Variants in TBC1D9B observed in about 807,000 individuals in gnomAD.
TBC1D9B encodes the protein TBC1 domain family, member 9B (with GRAM domain).
TBC1D9B carries 87 observed loss-of-function variants against 121.1 expected under a neutral mutation model. The ratio of observed to expected loss-of-function variants is 0.72; its 90% CI spans 0.60 to 0.86. The LOEUF (loss-of-function observed/expected upper bound fraction) is 0.86. Among genes scored for constraint, TBC1D9B ranks in the 40% least tolerant of loss-of-function variants. TBC1D9B has a pLI of 0.00. For missense variants in TBC1D9B, 1,540 were observed against 1,628.6 expected, an observed-to-expected ratio of 0.95 and a Z score of 0.94; for synonymous variants, 668 against 670.1, an observed-to-expected ratio of 1.00 and a Z score of 0.05.
Position 179,874,773 on chromosome 5 carries a change from G to A in TBC1D9B, c.2186+129C>T, listed in dbSNP as rs983215893. On this transcript the variant is annotated intron_variant, in intron 12 of 20. Coordinates refer to ENST00000355235, the MANE Select transcript of TBC1D9B (RefSeq NM_015043.4). This position sits in a 1 kb window ranked among gnomAD's most constrained non-coding sequence, Gnocchi z 4.3. ...AAAGGAGCCGCCTCCTGACCCCAGA[G>A]CACCCCCGGGTCCAGCTGCAGCCTG... The A allele has an allele frequency of 5.1e-6, 7 of 1,366,344 alleles. No homozygotes were observed. In the Admixed American group the frequency reaches 1.7e-4, roughly 32 times the overall value. The allele number at this position is 1,366,344 out of a possible 1,614,324, so 84.6% of individuals were successfully genotyped here.
chr5:179,894,874 A>T (rs1425605632), intron 3 of TBC1D9B, among the ~76,000 whole-genome samples: 2 of 152,180 alleles, frequency 1.3e-5, no homozygotes, highest in Admixed American at 6.5e-5. Flanking sequence ...GGCTTTTTAA[A>T]AAAATTAAGA....
intron 2 of TBC1D9B, among the ~76,000 whole-genome samples, chr5:179,900,659 G>T (rs972562462): frequency 1.3e-5 from 2 of 152,136 alleles, no homozygotes; most frequent in Non-Finnish European, 2.9e-5. Flanking sequence ...TGTTTTACAT[G>T]TTTCTGTTTA....
At chr5:179,866,481 TGGGG>T in intron 18 of TBC1D9B, 1 of 152,380 alleles carries the variant, frequency 6.6e-6, no homozygotes, top group Non-Finnish European at 1.5e-5. Flanking sequence ...GTGTGGCTGG[TGGGG>T]GCACCTCAGG....
Position 179,865,483 on chromosome 5 carries a change from C to T in TBC1D9B, c.2915-123G>A. ...TACCAGGGCCCTATCATAAAACACCCTGGCGTTTGGGAAGGTGGTCATGGG... is the reference window on the plus strand; with the variant it reads ...TACCAGGGCCCTATCATAAAACACCTTGGCGTTTGGGAAGGTGGTCATGGG... On this transcript the variant is annotated intron_variant, in intron 19 of 20. Transcript: ENST00000355235. This position sits in a 1 kb window ranked among gnomAD's most constrained non-coding sequence, Gnocchi z 5.1. 3.3e-6 allele frequency: 3 copies of T among 920,388 alleles called. No individual in the cohort carries two copies. Among genetic ancestry groups the T allele is most frequent in the Non-Finnish European group, 3.4e-6 (2 of 586,142 alleles). The allele number at this position is 920,388 out of a possible 1,614,324, so 57.0% of individuals were successfully genotyped here. A position where few individuals can be genotyped will look rare whatever the true frequency, so the allele number is the denominator to read the frequency against.
chr5:179,889,401 G>A (rs934157040), intron 6 of TBC1D9B, among the ~76,000 whole-genome samples: 1 of 148,530 alleles, frequency 6.7e-6, no homozygotes, highest in African/African-American at 2.6e-5. Context: ...GAGAGGGGGA[G>A]AGGCGCACAG....
chr5:179,872,501 A>C, intron 14 of TBC1D9B: 1 of 217,656 alleles, frequency 4.6e-6, no homozygotes. Flanking sequence ...TGGCCCCTCT[A>C]GAGATGAGAA....
At position 179,904,786 on chromosome 5, in the gene TBC1D9B, C is replaced by A. The variant is rs1309261538; in HGVS notation, c.145G>T (p.Val49Leu). The change falls in exon 2 of 21, where the codon GTG becomes TTG. Residue 49 changes from valine (V) to leucine (L), a missense_variant. Val to Leu is a conservative substitution (Grantham distance 32). Coordinates refer to ENST00000355235, the MANE Select transcript of TBC1D9B (RefSeq NM_015043.4). This position sits in a 1 kb window ranked among gnomAD's most constrained non-coding sequence, Gnocchi z 4.2. Reference sequence around the variant, plus strand: ...GCCACGCGGGCACTGGAGTCCAGCACCACGTCCAGGGTGCCCACGAGAAGA... The same window carrying A: ...GCCACGCGGGCACTGGAGTCCAGCAACACGTCCAGGGTGCCCACGAGAAGA... ...TGLLVGTLDVVLDSSARVAPY... is the reference protein window; with the variant it reads ...TGLLVGTLDVLLDSSARVAPY... The A allele has an allele frequency of 2.5e-6, 4 of 1,570,298 alleles. No individual in the cohort carries two copies. Among genetic ancestry groups the A allele is most frequent in the East Asian group, 2.3e-5 (1 of 42,844 alleles).
chr5:179,879,387 G>A (rs1760464155), intron 8 of TBC1D9B, 190 bp from the exon 9 acceptor site: 3 of 1,065,922 alleles, frequency 2.8e-6, no homozygotes, highest in Non-Finnish European at 4.0e-6. Context: ...CAGCTCCTCA[G>A]CGGGAGGGCC....
chr5:179,872,848 G>GCCCCCCCCACCCCGCCCCCC, intron 14 of TBC1D9B, 44 bp downstream of exon 14: 1 of 1,457,256 alleles, frequency 6.9e-7, no homozygotes, highest in Admixed American at 1.7e-5. Flanking sequence ...AGGCACTGCT[G>GCCCCCCCCACCCCGCCCCCC]CCCCCCCAGC....
chr5:179,891,514 G>C lies in TBC1D9B; in HGVS notation c.909C>G (p.Asp303Glu), dbSNP rs557504816. 6.2e-7 allele frequency: 1 copy of C among 1,614,084 alleles called. No individual in the cohort carries two copies. Among genetic ancestry groups the C allele is most frequent in the Non-Finnish European group, 8.5e-7 (1 of 1,180,038 alleles). ...TCCACAGGGTGCAGCTTGTGTGGCC[G>C]TCTAGCCGCTCATCCCTGGGCAGCC... ...TFRLPRDERL[D>E]GHTSCTLWTP... Residue 303 changes from aspartate (D) to glutamate (E), a missense_variant, in exon 6 of 21, where the codon GAC (aspartate) becomes GAG (glutamate). Transcript: ENST00000355235. The surrounding 1 kb of genome is among the most constrained non-coding windows in gnomAD (Gnocchi z 4.3).
At chr5:179,903,271 T>G (rs1290416566) in intron 2 of TBC1D9B, among the ~76,000 whole-genome samples, 1 of 152,174 alleles carries the variant, frequency 6.6e-6, no homozygotes, top group Non-Finnish European at 1.5e-5. Context: ...TACTTATGCC[T>G]TCTGGAGGTA....
Position 179,879,552 on chromosome 5 carries a change from C to T in TBC1D9B, c.1416+76G>A, listed in dbSNP as rs568461795. On this transcript the variant is annotated intron_variant, in intron 8 of 20. Transcript: ENST00000355235. ...CCAGGGCCCTGAGGGAAGGCCCAGG[C>T]CCAGGACTGGCTCCAGCTTTCCTCC... 11 of 1,607,418 alleles carry T rather than the reference C, an allele frequency of 6.8e-6. No individual in the cohort carries two copies. In the East Asian group the frequency reaches 2.5e-4, roughly 36 times the overall value.
chr5:179,892,907 G>A (rs1260603058), intron 5 of TBC1D9B, among the ~76,000 whole-genome samples: 1 of 152,248 alleles, frequency 6.6e-6, no homozygotes, highest in Non-Finnish European at 1.5e-5. Flanking sequence ...CTGTGCCTCA[G>A]CTTCCTTGTC....
intron 10 of TBC1D9B, among the ~76,000 whole-genome samples, chr5:179,877,949 G>C (rs1366355223): frequency 6.6e-6 from 1 of 152,166 alleles, no homozygotes; most frequent in Non-Finnish European, 1.5e-5. Flanking sequence ...GATGAAGAGA[G>C]GTCTGGGGAT....
rs749166616 is a variant in TBC1D9B at position 179,893,477 on chromosome 5, C to A, written c.578-10G>T. On this transcript the variant is annotated splice_polypyrimidine_tract_variant and intron_variant, in intron 4 of 20. Transcript: ENST00000355235. ...TGCACCACGAGGCTCACTGTGCCCA[C>A]AGAGATAGACACACCGCAAGTTAGG... 33 of 1,582,480 alleles carry A rather than the reference C, an allele frequency of 2.1e-5. No homozygotes were observed. The highest frequency in any genetic ancestry group is 2.6e-5 in the Non-Finnish European group (30 of 1,160,700).
At chr5:179,899,157 G>A (rs1251440801) in intron 3 of TBC1D9B, 32 bp downstream of exon 3, 2 of 1,556,616 alleles carry the variant, frequency 1.3e-6, no homozygotes, top group Middle Eastern at 1.7e-4. Flanking sequence ...GCCAGGGAAG[G>A]GTGAGAACAG....
In TBC1D9B at chr5:179,899,228, A is replaced by G. The variant is rs1038609171; in HGVS notation, c.309T>C (p.Ser103=). The change falls in exon 3 of 21, where the codon AGT becomes AGC. Residue 103 remains serine (S), a synonymous_variant. Coordinates refer to ENST00000355235, the MANE Select transcript of TBC1D9B (RefSeq NM_015043.4). ...NLLQTLSIFD[S]EEDITTFVKG... ...TGACGAAGGTGGTGATATCTTCCTC[A>G]CTGTCGAAGATGGACAGTGTCTGGA... The G allele has an allele frequency of 1.9e-6, 3 of 1,613,394 alleles. No individual in the cohort carries two copies. Among genetic ancestry groups the G allele is most frequent in the Non-Finnish European group, 2.5e-6 (3 of 1,179,880 alleles).
Position 179,863,227 on chromosome 5 carries a change from T to A in TBC1D9B, c.*221A>T. 1.7e-6 allele frequency: 1 copy of A among 573,820 alleles called. No homozygotes were observed. Among genetic ancestry groups the A allele is most frequent in the South Asian group, 2.3e-5 (1 of 42,976 alleles). 35.5% of individuals were successfully genotyped at this position (573,820 alleles called of 1,614,324 possible). On this transcript the variant is annotated 3_prime_UTR_variant, in exon 21 of 21. Transcript: ENST00000355235. This position sits in a 1 kb window ranked among gnomAD's most constrained non-coding sequence, Gnocchi z 4.5. ...TAAGGAAGGTGGGAGCCACAGCCTC[T>A]TCCTGGGCCCAGAAGCAGCCGGCGC...
Position 179,902,352 on chromosome 5 carries a change from GA to G in TBC1D9B, c.229+2349del, listed in dbSNP as rs2113651212. Among the ~76,000 whole-genome samples, 1 of 152,352 alleles carries G rather than the reference GA, an allele frequency of 6.6e-6. No homozygotes were observed. Among genetic ancestry groups the G allele is most frequent in the East Asian group, 1.9e-4 (1 of 5,186 alleles). On this transcript the variant is annotated intron_variant, in intron 2 of 20. Coordinates refer to ENST00000355235, the MANE Select transcript of TBC1D9B (RefSeq NM_015043.4). This position sits in a 1 kb window ranked among gnomAD's most constrained non-coding sequence, Gnocchi z 4.9. Reference sequence around the variant, plus strand: ...GCTGTGAGCTGGGGAGACAAGGCCAGAAATGGAGGCAGGCAGACCCCCAGGT... The same window carrying G: ...GCTGTGAGCTGGGGAGACAAGGCCAGAATGGAGGCAGGCAGACCCCCAGGT...
Sources: gnomAD v4.1 joint callset for allele counts (sites outside exome capture counted in the v4.1 genomes callset) on GRCh38, gnomAD v4.1.1 for gene constraint, Gnocchi (gnomAD v3.1) non-coding constraint, MANE v1.5 for transcripts, NCBI Gene and HGNC (gene_info 2026-07-23, HGNC 2026-07-21) for gene names.